The following AKR7A2 variants were observed in gnomAD, a reference collection of about 807,000 sequenced individuals.
AKR7A2 encodes the protein aldo-keto reductase family 7 member A2.
Under a neutral mutation model 37.3 loss-of-function variants are expected in AKR7A2, and 29 were observed. The ratio of observed to expected loss-of-function variants is 0.78; its 90% CI spans 0.58 to 1.06. The LOEUF is 1.06. Among genes scored for constraint, AKR7A2 ranks in the 50% least tolerant of loss-of-function variants. AKR7A2 has a pLI of 0.00. For missense variants in AKR7A2, 529 were observed against 497.9 expected (o/e 1.06, Z -0.59); for synonymous variants, 228 against 217.8 (o/e 1.05, Z -0.41).
intron 3 of AKR7A2, 92 bp from the exon 4 acceptor site, chr1:19,307,502 C>T: frequency 7.6e-7 from 1 of 1,322,312 alleles, no homozygotes; most frequent in Non-Finnish European, 1.1e-6. Context: ...AACACCGGCC[C>T]AGGACTTCAG....
Position 19,308,399 on chromosome 1 carries a change from A to G in AKR7A2, c.486+56T>C, listed in dbSNP as rs114739142. On this transcript the variant is annotated intron_variant, in intron 2 of 6. Transcript: ENST00000235835. ...TGGTGCCTCTGCTCTCATGAGTAGGATCAGGATAAAGAAAGGAGCAGGAGC... is the reference window on the plus strand; with the variant it reads ...TGGTGCCTCTGCTCTCATGAGTAGGGTCAGGATAAAGAAAGGAGCAGGAGC... The G allele has an allele frequency of 5.3e-5, 85 of 1,602,108 alleles. No individual in the cohort carries two copies. The African/African-American group carries it at 9.8e-4, about 18-fold the overall frequency.
Position 19,308,052 on chromosome 1 carries a change from G to A in AKR7A2, c.591+106C>T, listed in dbSNP as rs765166405. On this transcript the variant is annotated intron_variant, in intron 3 of 6. Transcript: ENST00000235835. The stretch of plus-strand genomic sequence containing the variant: ...GAGCCATCTGCAGGCTTTCAGCAGG[G>A]GAGTGGCTGCTATGCAGACGGCACA... The A allele has an allele frequency of 4.2e-6, 6 of 1,420,318 alleles. No homozygotes were observed. In the Admixed American group the frequency reaches 8.6e-5, roughly 20 times the overall value. The allele number at this position is 1,420,318 out of a possible 1,614,324, so 88.0% of individuals were successfully genotyped here.
Position 19,304,117 on chromosome 1 carries a change from A to G in AKR7A2, c.*108T>C. 6.4e-7 allele frequency: 1 copy of G among 1,553,646 alleles called. No homozygotes were observed. The highest frequency in any genetic ancestry group is 8.9e-7 in the Non-Finnish European group (1 of 1,126,858). On this transcript the variant is annotated 3_prime_UTR_variant, in exon 7 of 7. Coordinates refer to ENST00000235835, the MANE Select transcript of AKR7A2 (RefSeq NM_003689.4). ...AGCTAGAAAAATAATGCATGGATCTAGACAATTCAGAAAAACCCTTCTAAG... is the reference window on the plus strand; with the variant it reads ...AGCTAGAAAAATAATGCATGGATCTGGACAATTCAGAAAAACCCTTCTAAG...
chr1:19,308,395 T>C, intron 2 of AKR7A2, 60 bp downstream of exon 2: 1 of 1,599,318 alleles, frequency 6.3e-7, no homozygotes, highest in Non-Finnish European at 8.5e-7. Context: ...CTCTCATGAG[T>C]AGGATCAGGA....
chr1:19,311,633 G>C (rs1400104063), intron 1 of AKR7A2, among the ~76,000 whole-genome samples, 194 bp downstream of exon 1: 1 of 152,074 alleles, frequency 6.6e-6, no homozygotes, highest in Admixed American at 6.6e-5. Flanking sequence ...GGGAAGGAGA[G>C]TGGGGGAAAG....
rs748463371 is a variant in AKR7A2 at position 19,304,202 on chromosome 1, G to A, written c.*23C>T. 4.1e-5 allele frequency: 66 copies of A among 1,614,044 alleles called. No individual in the cohort carries two copies. Among genetic ancestry groups the A allele is most frequent in the Non-Finnish European group, 5.2e-5 (61 of 1,180,036 alleles). ...ACAAAAGAGGTGACAGAAAAGCCTT[G>A]GGCAGCCTGAGCCATGATGGGCCTA... On this transcript the variant is annotated 3_prime_UTR_variant, in exon 7 of 7. Transcript: ENST00000235835.
chr1:19,307,437 G>T lies in AKR7A2; in HGVS notation c.592-27C>A, dbSNP rs1390505461. ...TGCAGGGAGAGGGACCCCGGGGACAGGGTGGACATGTCAAGAGAAGGAACT... is the reference window on the plus strand; with the variant it reads ...TGCAGGGAGAGGGACCCCGGGGACATGGTGGACATGTCAAGAGAAGGAACT... On this transcript the variant is annotated intron_variant, in intron 3 of 6. Transcript: ENST00000235835. 2.5e-6 allele frequency: 4 copies of T among 1,612,762 alleles called. No individual in the cohort carries two copies. The Admixed American group carries it at 6.7e-5, about 27-fold the overall frequency.
Position 19,312,092 on chromosome 1 carries a change from G to T in AKR7A2, c.33C>A (p.Arg11=), listed in dbSNP as rs936509995. MLSAASRVVS[R]AAVHCALRSP... is the part of the protein sequence containing the mutation. ...AGCGAAGCGCGCAGTGGACGGCGGCGCGGGAGACTACGCGAGACGCGGCAC... is the reference window on the plus strand; with the variant it reads ...AGCGAAGCGCGCAGTGGACGGCGGCTCGGGAGACTACGCGAGACGCGGCAC... The change falls in exon 1 of 7, where the codon CGC becomes CGA. Residue 11 remains arginine (R), a synonymous_variant. Transcript: ENST00000235835. 179 of 1,336,534 alleles carry T rather than the reference G, an allele frequency of 1.3e-4. No homozygotes were observed. The highest frequency in any genetic ancestry group is 1.6e-4 in the Non-Finnish European group (169 of 1,052,692). 82.8% of individuals were successfully genotyped at this position (1,336,534 alleles called of 1,614,324 possible).
chr1:19,308,343 G>T (rs976234909), intron 2 of AKR7A2, 81 bp from the exon 3 acceptor site: 1 of 1,597,370 alleles, frequency 6.3e-7, no homozygotes, highest in Non-Finnish European at 8.6e-7. Flanking sequence ...CAGGGAATGG[G>T]GCTATTCCCT....
At chr1:19,307,816 A>G (rs1284056337) in intron 3 of AKR7A2, 4 of 504,100 alleles carry the variant, frequency 7.9e-6, no homozygotes, top group Non-Finnish European at 1.4e-5. Flanking sequence ...GGAGACTCCT[A>G]TGGGGCTGTC....
At position 19,310,504 on chromosome 1, in the gene AKR7A2, C is replaced by A. The variant is rs183237529; in HGVS notation, c.298+1323G>T. On this transcript the variant is annotated intron_variant, in intron 1 of 6. Coordinates refer to ENST00000235835, the MANE Select transcript of AKR7A2 (RefSeq NM_003689.4). ...CTTGAGGTCAGGAGTTGAAGACCAG[C>A]CTGGCCAATATGGTGAAACCCCATC... is the stretch of plus-strand genomic sequence containing the variant. Among the ~76,000 whole-genome samples, 741 of 152,190 alleles carry A rather than the reference C, an allele frequency of 4.9e-3. 12 individuals are homozygous for A. The highest frequency in any genetic ancestry group is 0.017 in the African/African-American group (718 of 41,542).
intron 5 of AKR7A2, 39 bp downstream of exon 5, chr1:19,306,963 C>A (rs764649602): frequency 6.3e-7 from 1 of 1,578,890 alleles, no homozygotes; most frequent in Non-Finnish European, 8.7e-7. Context: ...AGATTTGACC[C>A]CACCCCAGCC....
chr1:19,311,631 G>A (rs951631897), intron 1 of AKR7A2, among the ~76,000 whole-genome samples, 196 bp downstream of exon 1: 1 of 152,098 alleles, frequency 6.6e-6, no homozygotes, highest in Admixed American at 6.5e-5. Context: ...AAGGGAAGGA[G>A]AGTGGGGGAA....
rs760322164 is a variant in AKR7A2, at chr1:19,311,864, G to A, written c.261C>T (p.Gly87=). The A allele has an allele frequency of 1.6e-5, 26 of 1,610,620 alleles. No individual in the cohort carries two copies. In the South Asian group the frequency reaches 2.9e-4, roughly 18 times the overall value. The change falls in exon 1 of 7, where the codon GGC becomes GGT. Residue 87 remains glycine (G), a synonymous_variant. Coordinates refer to ENST00000235835, the MANE Select transcript of AKR7A2 (RefSeq NM_003689.4). Reference sequence around the variant, plus strand: ...CACCGCCCAGCCCGAGCCCCAGGCCGCCCAGGATGGTCTCGGACTGGCCGT... The same window carrying A: ...CACCGCCCAGCCCGAGCCCCAGGCCACCCAGGATGGTCTCGGACTGGCCGT... The part of the protein sequence containing the change: ...YSDGQSETIL[G]GLGLGLGGGD...
chr1:19,307,288 G>A (rs899056845), intron 4 of AKR7A2, 26 bp downstream of exon 4: 3 of 1,612,382 alleles, frequency 1.9e-6, no homozygotes, highest in Non-Finnish European at 2.5e-6. Flanking sequence ...AATAGGCTGA[G>A]ACAGGGTCAG....
intron 1 of AKR7A2, among the ~76,000 whole-genome samples, chr1:19,310,229 G>C (rs543588947): frequency 1.2e-4 from 18 of 152,314 alleles, no homozygotes; most frequent in Admixed American, 2.0e-4. Context: ...AAGTTCCACA[G>C]TTTCTCATCC....
Position 19,308,627 on chromosome 1 carries a change from TTGG to T in AKR7A2, c.311_313del (p.Thr104del). 6.2e-7 allele frequency: 1 copy of T among 1,614,146 alleles called. No homozygotes were observed. On this transcript the variant is annotated inframe_deletion, in exon 2 of 7. Transcript: ENST00000235835. ...TGATTTTCCATCCCAAGGGTTGGCC[TTGG>T]TGGCAATTTTCACTTGGAGAGAGAA...
chr1:19,311,357 C>T (rs2093774575), intron 1 of AKR7A2, among the ~76,000 whole-genome samples: 1 of 152,246 alleles, frequency 6.6e-6, no homozygotes, highest in South Asian at 2.1e-4. Flanking sequence ...AGCCTTACGG[C>T]ATCGCCACAG....
At chr1:19,310,512 A>G (rs571973530) in intron 1 of AKR7A2, among the ~76,000 whole-genome samples, 1 of 152,248 alleles carries the variant, frequency 6.6e-6, no homozygotes, top group Non-Finnish European at 1.5e-5. Context: ...AGCCTGGCCA[A>G]TATGGTGAAA....
Sources: allele counts gnomAD v4.1 joint callset (sites outside exome capture counted in the v4.1 genomes callset), GRCh38; gene constraint gnomAD v4.1.1; transcripts MANE v1.5; gene names NCBI Gene and HGNC (gene_info 2026-07-23, HGNC 2026-07-21).